Variants in F8 observed in about 807,000 individuals in gnomAD.
F8 encodes antihemophilic factor.
Under a neutral mutation model 140.6 loss-of-function variants are expected in F8, and 12 were observed. That is an observed-to-expected ratio of 0.09 (90% confidence interval 0.05 to 0.14). The LOEUF (loss-of-function observed/expected upper bound fraction) is 0.14. F8 is among the 10% of genes least tolerant of loss of function. F8 has a pLI of 1.00. For synonymous variants in F8, 585 were observed against 614.6 expected, an observed-to-expected ratio of 0.95 and a Z score of 0.71; for missense variants, 1,354 against 1,720.7, an observed-to-expected ratio of 0.79 and a Z score of 3.77.
intron 14 of F8, among the ~76,000 whole-genome samples, 172 bp from the exon 15 acceptor site, chrX:154,906,745 G>C: frequency 8.9e-6 from 1 of 112,063 alleles, no homozygotes; most frequent in Non-Finnish European, 1.9e-5. Context: ...ATGAAAGCTG[G>C]GGTTTTGTCT....
chrX:154,903,020 A>C (rs2073017897), intron 18 of F8, among the ~76,000 whole-genome samples: 1 of 112,264 alleles, frequency 8.9e-6, no homozygotes, highest in South Asian at 3.7e-4. Flanking sequence ...TTTGATTAAT[A>C]TCTTGGGATG....
chrX:154,965,689 G>A (rs1163698637), intron 9 of F8: 1 of 297,142 alleles, frequency 3.4e-6, no homozygotes, highest in African/African-American at 2.7e-5. Flanking sequence ...ATAGTCTGCT[G>A]ACTCCTATAT....
At chrX:154,853,671 C>T (rs1464269396) in intron 25 of F8, among the ~76,000 whole-genome samples, 1 of 112,007 alleles carries the variant, frequency 8.9e-6, no homozygotes, top group Non-Finnish European at 1.9e-5. Flanking sequence ...AGAATTCTCA[C>T]ACTGAGTTCT....
intron 13 of F8, among the ~76,000 whole-genome samples, chrX:154,944,448 T>C (rs1388072847): frequency 9.0e-6 from 1 of 111,173 alleles, no homozygotes; most frequent in Non-Finnish European, 1.9e-5. Flanking sequence ...ATCAGAGAAA[T>C]GCAAATCAAA....
At position 154,913,926 on chromosome X, in the gene F8, C is replaced by T. The variant is rs2073081277; in HGVS notation, c.5220-7353G>A. On this transcript the variant is annotated intron_variant, in intron 14 of 25. Transcript: ENST00000360256. ...CTTCTCACAGCTCCACTAGGCAGTG[C>T]CCCAGTGGTGACTGTGTGGGGGCTC... 8.0e-5 allele frequency among the ~76,000 whole-genome samples: 9 copies of T among 112,815 alleles called. No homozygotes were observed. In the Admixed American group the frequency reaches 8.3e-4, roughly 10 times the overall value.
chrX:154,950,015 T>C (rs1018939031), intron 12 of F8, among the ~76,000 whole-genome samples: 1 of 111,951 alleles, frequency 8.9e-6, no homozygotes, highest in African/African-American at 3.2e-5. Flanking sequence ...TCCGCCCGCC[T>C]TGGCCTCCCA....
At chrX:154,997,778 T>C (rs2073625373) in intron 2 of F8, among the ~76,000 whole-genome samples, 1 of 111,936 alleles carries the variant, frequency 8.9e-6, no homozygotes, top group South Asian at 3.7e-4. Context: ...ATTTGGATTT[T>C]ACAAGAAGTA....
chrX:154,946,679 T>TAAGA (rs782025003), intron 13 of F8, among the ~76,000 whole-genome samples: 24 of 111,470 alleles, frequency 2.2e-4, no homozygotes, highest in African/African-American at 7.8e-4. Flanking sequence ...ATTTTGCAGG[T>TAAGA]AAGACCTCAA....
At chrX:154,853,681 T>G (rs782063367) in intron 25 of F8, among the ~76,000 whole-genome samples, 1 of 112,176 alleles carries the variant, frequency 8.9e-6, no homozygotes, top group Admixed American at 9.5e-5. Context: ...CACTGAGTTC[T>G]CCTTGCATTT....
chrX:154,966,786 G>T (rs34521359), intron 7 of F8, 99 bp from the exon 8 acceptor site: 1 of 1,036,712 alleles, frequency 9.6e-7, no homozygotes, highest in Non-Finnish European at 1.3e-6. Flanking sequence ...GATTGAATTG[G>T]CTCATGTTTC....
intron 22 of F8, among the ~76,000 whole-genome samples, chrX:154,891,564 A>C (rs2072944239): frequency 8.9e-6 from 1 of 112,586 alleles, no homozygotes; most frequent in Non-Finnish European, 1.9e-5. Context: ...GGATGTAAAG[A>C]TGTTTGAGGT....
chrX:154,944,579 A>G (rs2073291600), intron 13 of F8, among the ~76,000 whole-genome samples: 2 of 111,075 alleles, frequency 1.8e-5, no homozygotes, highest in African/African-American at 6.6e-5. Flanking sequence ...GTGGGACTGT[A>G]AACTAGTTCA....
intron 16 of F8, 51 bp downstream of exon 16, chrX:154,904,760 G>T (rs1168782313): frequency 1.8e-5 from 19 of 1,082,204 alleles, no homozygotes; most frequent in Non-Finnish European, 2.2e-5. Context: ...AGTACACAAA[G>T]ACCATTTCTT....
chrX:154,905,705 C>T (rs978260220), intron 15 of F8, among the ~76,000 whole-genome samples: 1 of 111,337 alleles, frequency 9.0e-6, no homozygotes, highest in Non-Finnish European at 1.9e-5. Context: ...TTTAAAAAAT[C>T]TCTGGATAGG....
intron 14 of F8, among the ~76,000 whole-genome samples, chrX:154,915,043 C>A (rs782128626): frequency 1.8e-5 from 2 of 112,038 alleles, no homozygotes; most frequent in African/African-American, 6.5e-5. Context: ...TCTCAGGAAA[C>A]TTGCAATCAT....
intron 3 of F8, 77 bp from the exon 4 acceptor site, chrX:154,993,225 C>A: frequency 1.2e-6 from 1 of 850,180 alleles, no homozygotes; most frequent in Non-Finnish European, 1.7e-6. Flanking sequence ...TTATTGTCAC[C>A]AATAGGTTCT....
rs1228312386 is a variant in F8, at chrX:154,969,437, G to A, written c.903C>T (p.Arg301=). ...TTGGCGAGATTTCCAAGGACGCCTG[G>A]CGATGGTTCCTCACAAGAAATGTGT... is the stretch of plus-strand genomic sequence containing the variant. ...EGHTFLVRNH[R]QASLEISPIT... Residue 301 remains arginine (R), a synonymous_variant, in exon 7 of 26, where the codon CGC becomes CGT. Transcript: ENST00000360256. The A allele has an allele frequency of 2.4e-5, 29 of 1,211,337 alleles. No individual in the cohort carries two copies. Among genetic ancestry groups the A allele is most frequent in the Non-Finnish European group, 3.0e-5 (27 of 895,135 alleles).
At chrX:154,966,966 T>C (rs1332681096) in intron 7 of F8, among the ~76,000 whole-genome samples, 1 of 110,418 alleles carries the variant, frequency 9.1e-6, no homozygotes, top group African/African-American at 3.3e-5. Flanking sequence ...CCAAATATCA[T>C]GAAGACAGCA....
At chrX:154,936,872 A>C (rs184306224) in intron 13 of F8, among the ~76,000 whole-genome samples, 188 of 111,972 alleles carry the variant, frequency 1.7e-3, no homozygotes, top group Non-Finnish European at 1.9e-3. Context: ...AATAATATAG[A>C]GTATGTTATG....
Sources: allele counts gnomAD v4.1 joint callset (sites outside exome capture counted in the v4.1 genomes callset), GRCh38; gene constraint gnomAD v4.1.1; transcripts MANE v1.5; gene names NCBI Gene and HGNC (gene_info 2026-07-23, HGNC 2026-07-21).